Variants in AP1M2 observed in about 807,000 individuals in gnomAD.
AP1M2 encodes adaptor related protein complex 1 subunit mu 2.
AP1M2 carries 41 observed loss-of-function variants against 54.6 expected under a neutral mutation model. The observed-to-expected ratio is 0.75, with a 90% confidence interval of 0.59 to 0.97. AP1M2 has a LOEUF of 0.97. AP1M2 is among the 50% of genes least tolerant of loss of function. The probability of loss-of-function intolerance (pLI) is 0.00; values close to 1 mark genes in which losing one functional copy is unlikely to be tolerated. For missense variants in AP1M2, 507 were observed against 561.2 expected, an observed-to-expected ratio of 0.90 and a Z score of 0.98; for synonymous variants, 219 against 215.9, an observed-to-expected ratio of 1.01 and a Z score of -0.13.
In AP1M2 at chr19:10,572,730, G is replaced by T; in HGVS notation, c.*336C>A. Reference sequence around the variant, plus strand: ...GAGGAGGGGCCAGCGGGACCTCTGGGCTCAGCGGCTGTGAAGGAGGGACCC... The same window carrying T: ...GAGGAGGGGCCAGCGGGACCTCTGGTCTCAGCGGCTGTGAAGGAGGGACCC... On this transcript the variant is annotated 3_prime_UTR_variant, in exon 12 of 12. Transcript: ENST00000250244. 3.6e-6 allele frequency: 1 copy of T among 274,948 alleles called. No homozygotes were observed. Among genetic ancestry groups the T allele is most frequent in the Non-Finnish European group, 7.0e-6 (1 of 142,354 alleles). 17.0% of individuals were successfully genotyped at this position (274,948 alleles called of 1,614,324 possible). A position where few individuals can be genotyped will look rare whatever the true frequency, so the allele number is the denominator to read the frequency against.
At chr19:10,586,146 G>C (rs1196959073) in intron 1 of AP1M2, among the ~76,000 whole-genome samples, 2 of 152,018 alleles carry the variant, frequency 1.3e-5, no homozygotes, top group African/African-American at 4.8e-5. Context: ...AGCCGGGCGT[G>C]ATGGTGCGCG....
intron 9 of AP1M2, among the ~76,000 whole-genome samples, chr19:10,576,810 A>G (rs553386733): frequency 1.7e-3 from 251 of 150,462 alleles, no homozygotes; most frequent in Non-Finnish European, 2.7e-3. Flanking sequence ...GGGTTCAAGC[A>G]ATTCTCCTGC....
At chr19:10,585,411 A>G (rs1435037355) in intron 1 of AP1M2, among the ~76,000 whole-genome samples, 1 of 152,102 alleles carries the variant, frequency 6.6e-6, no homozygotes, top group Admixed American at 6.6e-5. Context: ...AATAGTAAAC[A>G]CTTCTGTCTG....
intron 9 of AP1M2, among the ~76,000 whole-genome samples, chr19:10,576,696 G>C (rs929104109): frequency 6.6e-6 from 1 of 151,190 alleles, no homozygotes; most frequent in Non-Finnish European, 1.5e-5. Context: ...ACCATGTCTG[G>C]CCTTTTAATC....
chr19:10,582,790 G>C (rs1372041217), intron 3 of AP1M2, among the ~76,000 whole-genome samples: 1 of 148,296 alleles, frequency 6.7e-6, no homozygotes, highest in Admixed American at 6.8e-5. Flanking sequence ...TGTACTGAAT[G>C]CTTGAAAAAT....
At chr19:10,587,169 A>G (rs1176961151) in intron 1 of AP1M2, 21 bp downstream of exon 1, 68 of 1,551,822 alleles carry the variant, frequency 4.4e-5, no homozygotes, top group Non-Finnish European at 5.6e-5. Flanking sequence ...CCGTCTCCCA[A>G]CTCCTCATGC....
chr19:10,580,240 G>C (rs1369815273), intron 6 of AP1M2, among the ~76,000 whole-genome samples: 1 of 151,760 alleles, frequency 6.6e-6, no homozygotes, highest in East Asian at 1.9e-4. Flanking sequence ...TAGTAGAGAC[G>C]GGGTTTCTCC....
intron 3 of AP1M2, among the ~76,000 whole-genome samples, chr19:10,583,131 C>A (rs7508603): frequency 6.8e-6 from 1 of 147,142 alleles, no homozygotes; most frequent in Non-Finnish European, 1.5e-5. Flanking sequence ...TGGCCTTTTT[C>A]TTTTTTTTTT....
In AP1M2 at chr19:10,581,515, A is replaced by G. The variant is rs1391221908; in HGVS notation, c.518T>C (p.Ile173Thr). 12 of 1,613,814 alleles carry G rather than the reference A, an allele frequency of 7.4e-6. No individual in the cohort carries two copies. The highest frequency in any genetic ancestry group is 1.0e-5 in the Non-Finnish European group (12 of 1,179,898). ...GIKYKKNEVF[I>T]DVIESVNLLV... Reference sequence around the variant, plus strand: ...CAGGTTGACAGACTCTATGACATCAATGAAGACCTCGTTCTTCTTATACTT... The same window carrying G: ...CAGGTTGACAGACTCTATGACATCAGTGAAGACCTCGTTCTTCTTATACTT... Residue 173 changes from isoleucine (I) to threonine (T), a missense_variant, in exon 5 of 12, where the codon ATT (isoleucine) becomes ACT (threonine). By Grantham distance (89) the Ile-to-Thr change is moderately conservative. Transcript: ENST00000250244.
intron 11 of AP1M2, among the ~76,000 whole-genome samples, chr19:10,573,646 C>T (rs571117957): frequency 3.1e-4 from 47 of 149,816 alleles, no homozygotes; most frequent in South Asian, 2.1e-3. Flanking sequence ...GACAACTGTC[C>T]CTGCTTTTTT....
At chr19:10,584,469 A>G (rs1050640713) in intron 1 of AP1M2, among the ~76,000 whole-genome samples, 1 of 152,106 alleles carries the variant, frequency 6.6e-6, no homozygotes, top group African/African-American at 2.4e-5. Flanking sequence ...AGTCCCAGCT[A>G]CTCGGGGTGC....
rs542063701 is a variant in AP1M2, at chr19:10,581,591, G to A, written c.442C>T (p.Arg148Trp). ...GCGTTGGTGACAGTGGGTGGCACCC[G>A]TGACTTGCCCGTCTCCAGCTTGTTG... The part of the protein sequence containing the change: ...QSNKLETGKS[R>W]VPPTVTNAVS... Residue 148 changes from arginine (R) to tryptophan (W), a missense_variant, in exon 5 of 12, where the codon CGG becomes TGG. By Grantham distance (101) the Arg-to-Trp change is moderately radical. Transcript: ENST00000250244. 1.2e-5 allele frequency: 20 copies of A among 1,613,792 alleles called. No homozygotes were observed. The highest frequency in any genetic ancestry group is 6.7e-5 in the East Asian group (3 of 44,868).
At chr19:10,583,852 A>G in intron 2 of AP1M2, 62 bp downstream of exon 2, 1 of 1,541,880 alleles carries the variant, frequency 6.5e-7, no homozygotes, top group East Asian at 2.4e-5. Flanking sequence ...TCTTGGCCTG[A>G]GCTGCCACCA....
chr19:10,581,442 G>A (rs774849091), intron 5 of AP1M2, 45 bp downstream of exon 5: 4 of 1,610,666 alleles, frequency 2.5e-6, no homozygotes, highest in Non-Finnish European at 1.7e-6. Flanking sequence ...TCCGTCTCCT[G>A]CAGCCAGGCC....
chr19:10,585,298 A>G (rs78468071), intron 1 of AP1M2, among the ~76,000 whole-genome samples: 1,864 of 86,808 alleles, frequency 0.021, 42 homozygotes, highest in East Asian at 0.2. Context: ...AAAGAAAGAA[A>G]GAAAGAAAGA....
At chr19:10,586,154 G>A (rs1022512286) in intron 1 of AP1M2, among the ~76,000 whole-genome samples, 17 of 151,618 alleles carry the variant, frequency 1.1e-4, no homozygotes, top group Admixed American at 2.6e-4. Context: ...GTGATGGTGC[G>A]CGCCTGTAAT....
At chr19:10,575,813 C>G (rs1917211332) in intron 9 of AP1M2, among the ~76,000 whole-genome samples, 1 of 130,494 alleles carries the variant, frequency 7.7e-6, no homozygotes, top group African/African-American at 3.0e-5. Context: ...GTCGCCCAGG[C>G]TGGAGTGTAG....
rs1917173148 is a variant in AP1M2, at chr19:10,574,848, A to G, written c.1173+56T>C. 7.1e-6 allele frequency: 11 copies of G among 1,549,696 alleles called. No individual in the cohort carries two copies. The South Asian group carries it at 9.7e-5, about 14-fold the overall frequency. Reference sequence around the variant, plus strand: ...GAGGTGACTCGAGCCAAGGGACAGGAGAGAGGGGAACCCACCGAAGTCAAG... The same window carrying G: ...GAGGTGACTCGAGCCAAGGGACAGGGGAGAGGGGAACCCACCGAAGTCAAG... On this transcript the variant is annotated intron_variant, in intron 10 of 11. Transcript: ENST00000250244.
intron 9 of AP1M2, among the ~76,000 whole-genome samples, chr19:10,576,588 G>A (rs137954228): frequency 0.013 from 1,914 of 151,944 alleles, 20 homozygotes; most frequent in Non-Finnish European, 0.021. Flanking sequence ...TAGTAGAGAC[G>A]GGTTTTCACC....
Sources: gnomAD v4.1 joint callset for allele counts (sites outside exome capture counted in the v4.1 genomes callset) on GRCh38, gnomAD v4.1.1 for gene constraint, MANE v1.5 for transcripts, NCBI Gene and HGNC (gene_info 2026-07-23, HGNC 2026-07-21) for gene names.